Variants in PATJ observed in about 807,000 individuals in gnomAD.
PATJ encodes the protein PATJ crumbs cell polarity complex component, also known as inaD-like protein.
PATJ carries 190 observed loss-of-function variants against 224.9 expected under a neutral mutation model. That is an observed-to-expected ratio of 0.84 (90% CI 0.75 to 0.95). The LOEUF is 0.95. Ranked by LOEUF, PATJ falls within the 40% of genes least tolerant of loss-of-function variation. The pLI, the probability that PATJ is intolerant of heterozygous loss-of-function variation, is 0.00. For synonymous variants in PATJ, 769 were observed against 820.3 expected, an observed-to-expected ratio of 0.94 and a Z score of 1.07; for missense variants, 2,121 against 2,270.3, an observed-to-expected ratio of 0.93 and a Z score of 1.34.
Position 62,121,164 on chromosome 1 carries a change from CT to C in PATJ, c.4891-16del, listed in dbSNP as rs2148915050. ...GTCAGTGTCTGCACACAGGTGACCCCTGGGTCTTTCTTTCAGGGTAGTCAGC... is the reference window on the plus strand; with the variant it reads ...GTCAGTGTCTGCACACAGGTGACCCCGGGTCTTTCTTTCAGGGTAGTCAGC... On this transcript the variant is annotated splice_polypyrimidine_tract_variant and intron_variant, in intron 37 of 43. Transcript: ENST00000642238. The C allele has an allele frequency of 6.4e-7, 1 of 1,573,098 alleles. No individual in the cohort carries two copies. The highest frequency in any genetic ancestry group is 2.2e-5 in the East Asian group (1 of 44,580).
intron 27 of PATJ, among the ~76,000 whole-genome samples, chr1:61,945,199 A>G (rs1451961858): frequency 6.6e-6 from 1 of 152,208 alleles, no homozygotes; most frequent in Non-Finnish European, 1.5e-5. Flanking sequence ...TAACATCATA[A>G]TGACAGGATC....
At chr1:62,008,142 A>C (rs1569967281) in intron 28 of PATJ, among the ~76,000 whole-genome samples, 1 of 151,720 alleles carries the variant, frequency 6.6e-6, no homozygotes, top group Admixed American at 6.6e-5. Context: ...CCAATTTAAA[A>C]CCCCCTAAAG....
chr1:61,816,092 TTC>T (rs1656051946), intron 14 of PATJ, among the ~76,000 whole-genome samples: 1 of 152,182 alleles, frequency 6.6e-6, no homozygotes, highest in South Asian at 2.1e-4. Flanking sequence ...TTAACTTTAT[TTC>T]TCTCTTGAGT....
At chr1:61,991,530 A>G in intron 28 of PATJ, 1 of 985,320 alleles carries the variant, frequency 1.0e-6, no homozygotes. Context: ...TTACTTGCCT[A>G]ATAATAACTA....
intron 29 of PATJ, among the ~76,000 whole-genome samples, chr1:62,025,553 G>T (rs974514776): frequency 6.6e-6 from 1 of 152,218 alleles, no homozygotes; most frequent in African/African-American, 2.4e-5. Context: ...GGGCGCAGTG[G>T]CTCATGCCTG....
chr1:61,865,196 A>T (rs894048476), intron 20 of PATJ: 1 of 150,172 alleles, frequency 6.7e-6, no homozygotes, highest in African/African-American at 2.4e-5. Flanking sequence ...ATATATATGT[A>T]TATAAAATTT....
chr1:62,152,356 G>GCAGAAAAGGAGCAGCAGTCTGAGT (rs141415555), intron 42 of PATJ, among the ~76,000 whole-genome samples: 4,645 of 152,098 alleles, frequency 0.031, 121 homozygotes, highest in Non-Finnish European at 0.049. Flanking sequence ...GGGCGTTCCG[G>GCAGAAAAGGAGCAGCAGTCTGAGT]CAGAAAAGGA....
chr1:61,899,980 T>TA (rs1387277687), intron 23 of PATJ, among the ~76,000 whole-genome samples: 4 of 152,340 alleles, frequency 2.6e-5, no homozygotes, highest in East Asian at 1.9e-4. Flanking sequence ...TCTTTTCTGG[T>TA]AAACAACAGT....
chr1:61,781,612 A>G (rs1057119256), intron 7 of PATJ, among the ~76,000 whole-genome samples: 35 of 152,340 alleles, frequency 2.3e-4, no homozygotes, highest in Admixed American at 1.0e-3. Context: ...GCATAGGATT[A>G]TAGTGTGTGA....
chr1:61,955,529 C>T (rs1277714215), intron 27 of PATJ, among the ~76,000 whole-genome samples: 1 of 152,112 alleles, frequency 6.6e-6, no homozygotes, highest in African/African-American at 2.4e-5. Flanking sequence ...AGAGGGGATA[C>T]ATGTGTAACA....
chr1:61,882,946 A>AT (rs1668301973), intron 21 of PATJ, among the ~76,000 whole-genome samples: 1 of 152,200 alleles, frequency 6.6e-6, no homozygotes, highest in South Asian at 2.1e-4. Context: ...TGAATCCTAT[A>AT]TATTATACCT....
chr1:61,835,932 C>A (rs1282695268), intron 17 of PATJ, among the ~76,000 whole-genome samples: 1 of 152,118 alleles, frequency 6.6e-6, no homozygotes, highest in Non-Finnish European at 1.5e-5. Flanking sequence ...TTGTAGGAAT[C>A]TATATATATT....
At chr1:61,779,789 C>T (rs1228323313) in intron 7 of PATJ, among the ~76,000 whole-genome samples, 2 of 152,126 alleles carry the variant, frequency 1.3e-5, no homozygotes, top group Non-Finnish European at 2.9e-5. Context: ...GTTTATTTAG[C>T]TTACAGCTCT....
intron 31 of PATJ, among the ~76,000 whole-genome samples, chr1:62,072,161 C>T (rs1290985606): frequency 6.6e-6 from 1 of 152,138 alleles, no homozygotes; most frequent in Non-Finnish European, 1.5e-5. Flanking sequence ...AATAAACTGC[C>T]CTTTCGCTAT....
intron 17 of PATJ, among the ~76,000 whole-genome samples, chr1:61,841,184 C>A (rs189369235): frequency 7.9e-5 from 12 of 152,090 alleles, no homozygotes; most frequent in Admixed American, 2.6e-4. Flanking sequence ...ATTTCTTCTT[C>A]CACAAATTTT....
chr1:62,135,416 T>C (rs1666725790), intron 41 of PATJ, among the ~76,000 whole-genome samples: 2 of 146,938 alleles, frequency 1.4e-5, no homozygotes. Context: ...CTCAGGAGGC[T>C]GAGGCAGGAG....
rs765021482 is a variant in PATJ, at chr1:61,908,440, C to A, written c.3450C>A (p.Asn1150Lys). The A allele has an allele frequency of 2.8e-5, 45 of 1,613,918 alleles. No homozygotes were observed. Among genetic ancestry groups the A allele is most frequent in the Non-Finnish European group, 3.7e-5 (44 of 1,179,826 alleles). The change falls in exon 25 of 44, where the codon AAC becomes AAA. Residue 1150 changes from asparagine (N) to lysine (K), a missense_variant. Coordinates refer to ENST00000642238, the MANE Select transcript of PATJ (RefSeq NM_001350145.3). Reference sequence around the variant, plus strand: ...TTGAGGCCATTAAGAATGCAGGAAACCCTGTGGTGTTCATTGTTCAGAGTT... The same window carrying A: ...TTGAGGCCATTAAGAATGCAGGAAAACCTGTGGTGTTCATTGTTCAGAGTT... Reference protein sequence around the residue: ...EAVEAIKNAGNPVVFIVQSLS... With the variant: ...EAVEAIKNAGKPVVFIVQSLS...
At chr1:61,899,502 A>G (rs1237842533) in intron 22 of PATJ, 81 bp from the exon 23 acceptor site, 11 of 872,360 alleles carry the variant, frequency 1.3e-5, no homozygotes, top group Middle Eastern at 2.3e-4. Flanking sequence ...TATAGATTTT[A>G]CAATTTCAAA....
intron 6 of PATJ, 98 bp downstream of exon 6, chr1:61,771,724 CTT>C (rs199652994): frequency 2.0e-3 from 1,458 of 728,704 alleles, no homozygotes; most frequent in South Asian, 4.0e-3. Context: ...CCTTTCTTTC[CTT>C]TTTTTTTTTT....
Sources: gnomAD v4.1 joint callset for allele counts (sites outside exome capture counted in the v4.1 genomes callset) on GRCh38, gnomAD v4.1.1 for gene constraint, MANE v1.5 for transcripts, NCBI Gene and HGNC (gene_info 2026-07-23, HGNC 2026-07-21) for gene names.